Variants in LVRN observed in about 807,000 individuals in gnomAD.
LVRN encodes the protein laeverin, also known as aminopeptidase Q.
A neutral mutation model predicts 111.4 loss-of-function variants in LVRN; 99 were observed. That is an observed-to-expected ratio of 0.89 (90% CI 0.76 to 1.05). The LOEUF is 1.05. LVRN is among the 50% of genes least tolerant of loss of function. LVRN has a pLI of 0.00. For missense variants in LVRN, 1,414 were observed against 1,206.8 expected (o/e 1.17, Z -2.54); for synonymous variants, 488 against 449.5 (o/e 1.09, Z -1.08).
intron 9 of LVRN, 141 bp downstream of exon 9, chr5:116,000,799 G>A: frequency 1.1e-6 from 1 of 902,544 alleles, no homozygotes; most frequent in Non-Finnish European, 1.7e-6. Context: ...CATGGGTAGT[G>A]TCTTTAGTCT....
chr5:115,997,234 G>C (rs1304039923), intron 6 of LVRN, among the ~76,000 whole-genome samples: 1 of 152,128 alleles, frequency 6.6e-6, no homozygotes, highest in Non-Finnish European at 1.5e-5. Flanking sequence ...GGTGGTCTTT[G>C]ATGAGTCACA....
At chr5:115,981,346 C>G (rs776863841) in intron 1 of LVRN, among the ~76,000 whole-genome samples, 1 of 152,088 alleles carries the variant, frequency 6.6e-6, no homozygotes, top group Non-Finnish European at 1.5e-5. Flanking sequence ...GATACATAAC[C>G]TCTCATTTCT....
chr5:115,993,480 T>C (rs894357719), intron 5 of LVRN, among the ~76,000 whole-genome samples: 2 of 152,334 alleles, frequency 1.3e-5, no homozygotes, highest in African/African-American at 4.8e-5. Flanking sequence ...GCTGACCTTA[T>C]GTTTAAACAT....
At chr5:116,022,683 C>T (rs1340339183) in intron 19 of LVRN, among the ~76,000 whole-genome samples, 1 of 152,214 alleles carries the variant, frequency 6.6e-6, no homozygotes, top group African/African-American at 2.4e-5. Flanking sequence ...TCCTCTCTCA[C>T]CTGAATGCAG....
chr5:115,964,979 C>G (rs370609903), intron 1 of LVRN, among the ~76,000 whole-genome samples: 6 of 152,276 alleles, frequency 3.9e-5, no homozygotes, highest in African/African-American at 1.4e-4. Context: ...GCTTGTGGTA[C>G]GCCAGATTCT....
chr5:116,003,089 T>TATGTGAAAA, intron 11 of LVRN, 152 bp from the exon 12 acceptor site: 1 of 879,092 alleles, frequency 1.1e-6, no homozygotes, highest in East Asian at 2.7e-5. Flanking sequence ...GTGAAAAATA[T>TATGTGAAAA]ATAATTACCT....
At chr5:115,995,445 G>T in intron 6 of LVRN, 1 of 152,536 alleles carries the variant, frequency 6.6e-6, no homozygotes. Flanking sequence ...ACTCCGCAGT[G>T]CCTCTCTCTT....
intron 8 of LVRN, 27 bp downstream of exon 8, chr5:116,000,525 G>A (rs1009377597): frequency 6.2e-7 from 1 of 1,613,040 alleles, no homozygotes; most frequent in African/African-American, 1.3e-5. Flanking sequence ...GTCGTTACCT[G>A]GATGGCAGTA....
At chr5:115,963,808 G>A (rs1425038129) in intron 1 of LVRN, among the ~76,000 whole-genome samples, 4 of 152,178 alleles carry the variant, frequency 2.6e-5, no homozygotes, top group African/African-American at 9.7e-5. Context: ...CCTCTGGCCA[G>A]TTTTCAACCC....
intron 10 of LVRN, among the ~76,000 whole-genome samples, chr5:116,002,515 C>G (rs544158965): frequency 6.6e-6 from 1 of 152,166 alleles, no homozygotes; most frequent in Non-Finnish European, 1.5e-5. Context: ...TTTGAACTAC[C>G]CTTGAGTGAA....
intron 19 of LVRN, among the ~76,000 whole-genome samples, chr5:116,023,807 C>A (rs1036839662): frequency 2.0e-5 from 3 of 152,194 alleles, no homozygotes; most frequent in Non-Finnish European, 2.9e-5. Context: ...GCAACTGGAA[C>A]TCTTTTATCC....
intron 1 of LVRN, among the ~76,000 whole-genome samples, chr5:115,967,524 G>A (rs1753228680): frequency 6.6e-6 from 1 of 152,114 alleles, no homozygotes; most frequent in African/African-American, 2.4e-5. Context: ...CTTGCTTACT[G>A]CAGCTATACA....
chr5:116,025,994 G>C lies in LVRN; in HGVS notation c.2849G>C (p.Ser950Thr). The C allele has an allele frequency of 6.2e-7, 1 of 1,613,754 alleles. No homozygotes were observed. Among genetic ancestry groups the C allele is most frequent in the East Asian group, 2.2e-5 (1 of 44,868 alleles). The part of the protein sequence containing the change: ...LQIVELQQFF[S>T]NMLEEHQRIR... ...TCCTTCCAGCTGCAGCAGTTTTTCA[G>C]TAACATGTTGGAGGAACACCAGAGG... Residue 950 changes from serine (S) to threonine (T), a missense_variant, in exon 20 of 20, where the codon AGT becomes ACT. Ser to Thr is a moderately conservative substitution (Grantham distance 58). Coordinates refer to ENST00000357872, the MANE Select transcript of LVRN (RefSeq NM_173800.5).
rs1753106523 is a variant in LVRN, at chr5:115,962,727, A to G, written c.110A>G (p.Tyr37Cys). 1.1e-5 allele frequency: 17 copies of G among 1,611,808 alleles called. No homozygotes were observed. The highest frequency in any genetic ancestry group is 1.4e-5 in the Non-Finnish European group (16 of 1,179,608). ...GCGCTGGCCGTACTCGCCGCCTTGT[A>G]CGGCCACTGCGAGCGCGTCCCACCG... Reference protein sequence around the residue: ...LLALAVLAALYGHCERVPPSE... With the variant: ...LLALAVLAALCGHCERVPPSE... The change falls in exon 1 of 20, where the codon TAC becomes TGC. Residue 37 changes from tyrosine (Y) to cysteine (C), a missense_variant. Coordinates refer to ENST00000357872, the MANE Select transcript of LVRN (RefSeq NM_173800.5).
chr5:115,988,036 C>A, intron 4 of LVRN, 97 bp downstream of exon 4: 1 of 1,465,760 alleles, frequency 6.8e-7, no homozygotes, highest in Non-Finnish European at 9.2e-7. Flanking sequence ...AAGGATTCAC[C>A]ATCACCATTT....
Position 115,963,173 on chromosome 5 carries a change from G to A in LVRN, c.556G>A (p.Glu186Lys). 1.9e-6 allele frequency: 3 copies of A among 1,612,950 alleles called. No homozygotes were observed. Among genetic ancestry groups the A allele is most frequent in the Non-Finnish European group, 2.5e-6 (3 of 1,179,768 alleles). Reference protein sequence around the residue: ...VDDVWFALDTEYMVLELSEPL... With the variant: ...VDDVWFALDTKYMVLELSEPL... ...CGACGTGTGGTTCGCGCTGGACACG[G>A]AATACATGGTGCTGGAGCTCAGTGA... The change falls in exon 1 of 20, where the codon GAA becomes AAA. Residue 186 changes from glutamate to lysine, a missense_variant. Transcript: ENST00000357872.
At chr5:115,991,417 G>A (rs1467045985) in intron 4 of LVRN, among the ~76,000 whole-genome samples, 1 of 152,164 alleles carries the variant, frequency 6.6e-6, no homozygotes, top group Non-Finnish European at 1.5e-5. Context: ...TTGTATTGAT[G>A]TACTGCAGTT....
chr5:115,984,800 A>G (rs1198405421), intron 3 of LVRN, 91 bp downstream of exon 3: 5 of 1,511,762 alleles, frequency 3.3e-6, no homozygotes, highest in Non-Finnish European at 4.5e-6. Flanking sequence ...ATGGCTGCAT[A>G]TCCCCAAATC....
chr5:116,000,666 T>G lies in LVRN; in HGVS notation c.1647+8T>G, dbSNP rs771772024. 1 of 1,613,082 alleles carries G rather than the reference T, an allele frequency of 6.2e-7. No individual in the cohort carries two copies. The highest frequency in any genetic ancestry group is 8.5e-7 in the Non-Finnish European group (1 of 1,179,268). On this transcript the variant is annotated splice_region_variant and intron_variant, in intron 9 of 19. Transcript: ENST00000357872. ...TGGAGGCATTTTCAAATGGTAATTG[T>G]CCTACTTTCTGACACATTCTTGCTG...
Sources: allele counts gnomAD v4.1 joint callset (sites outside exome capture counted in the v4.1 genomes callset), GRCh38; gene constraint gnomAD v4.1.1; transcripts MANE v1.5; gene names NCBI Gene and HGNC (gene_info 2026-07-23, HGNC 2026-07-21).